SND1: variants seen among roughly 807,000 people sequenced by gnomAD.
SND1 encodes staphylococcal nuclease domain-containing protein 1.
In SND1, 38 loss-of-function variants were observed where a neutral mutation model predicts 121.7. The observed-to-expected ratio is 0.31, with a 90% CI of 0.24 to 0.41. The LOEUF (loss-of-function observed/expected upper bound fraction) is 0.41. Among genes scored for constraint, SND1 ranks in the 10% least tolerant of loss-of-function variants. The pLI is 1.00. For missense variants in SND1, 868 were observed against 1,184.6 expected (o/e 0.73, Z 3.92); for synonymous variants, 401 against 447.4 (o/e 0.90, Z 1.31).
At chr7:127,932,940 A>G (rs1408233065) in intron 15 of SND1, among the ~76,000 whole-genome samples, 1 of 152,222 alleles carries the variant, frequency 6.6e-6, no homozygotes, top group African/African-American at 2.4e-5. Context: ...AACTTGCAGT[A>G]TCTCTGAGGT....
chr7:127,919,976 A>G (rs1364203137), intron 14 of SND1, among the ~76,000 whole-genome samples: 1 of 152,176 alleles, frequency 6.6e-6, no homozygotes, highest in Admixed American at 6.5e-5. Flanking sequence ...CTTCTTACAA[A>G]TTGGTATTTC....
intron 16 of SND1, among the ~76,000 whole-genome samples, chr7:128,048,517 G>T (rs1792992232): frequency 6.6e-6 from 1 of 152,168 alleles, no homozygotes; most frequent in Non-Finnish European, 1.5e-5. Flanking sequence ...CTGTCTTTGA[G>T]TTAAGTGGTT....
intron 12 of SND1, among the ~76,000 whole-genome samples, chr7:127,883,498 C>G (rs188410494): frequency 4.6e-5 from 7 of 152,266 alleles, no homozygotes; most frequent in Admixed American, 4.6e-4. Context: ...TTGCACATAA[C>G]TGTACAAAGA....
Position 128,092,285 on chromosome 7 carries a change from GTC to G in SND1, c.*231_*232del. On this transcript the variant is annotated 3_prime_UTR_variant, in exon 24 of 24. Transcript: ENST00000354725. This position sits in a 1 kb window ranked among gnomAD's most constrained non-coding sequence, Gnocchi z 4.9. ...GGGATGATGGGCACTGCTATCCACA[GTC>G]TCTGCCAGTTGGTTTTATTTGGAGG... is the stretch of plus-strand genomic sequence containing the variant. 1 of 518,780 alleles carries G rather than the reference GTC, an allele frequency of 1.9e-6. No individual in the cohort carries two copies. The highest frequency in any genetic ancestry group is 3.4e-6 in the Non-Finnish European group (1 of 292,760). The allele number at this position is 518,780 out of a possible 1,614,324, so 32.1% of individuals were successfully genotyped here. A position where few individuals can be genotyped will look rare whatever the true frequency, so the allele number is the denominator to read the frequency against.
At chr7:127,926,555 T>C (rs931460835) in intron 14 of SND1, among the ~76,000 whole-genome samples, 8 of 137,706 alleles carry the variant, frequency 5.8e-5, no homozygotes, top group African/African-American at 1.4e-4. Flanking sequence ...TTTTCTTTTT[T>C]TTTTTTTTTT....
At chr7:127,760,971 CT>C (rs1431684026) in intron 10 of SND1, among the ~76,000 whole-genome samples, 2 of 152,154 alleles carry the variant, frequency 1.3e-5, no homozygotes, top group Non-Finnish European at 2.9e-5. Context: ...ATATCATAAT[CT>C]TTAGAGAACA....
At chr7:127,919,745 A>G (rs1800659081) in intron 14 of SND1, among the ~76,000 whole-genome samples, 1 of 152,200 alleles carries the variant, frequency 6.6e-6, no homozygotes, top group Non-Finnish European at 1.5e-5. Context: ...ATTCTTAGAA[A>G]AGTAACTCTA....
intron 10 of SND1, among the ~76,000 whole-genome samples, chr7:127,730,175 T>G (rs145712929): frequency 0.028 from 4,289 of 152,128 alleles, 183 homozygotes; most frequent in Admixed American, 0.11. Context: ...TCCATGTTGG[T>G]TAGGCTGGTC....
chr7:127,704,703 C>T (rs1283646210), intron 7 of SND1, 136 bp from the exon 8 acceptor site: 1 of 717,054 alleles, frequency 1.4e-6, no homozygotes, highest in Non-Finnish European at 2.4e-6. Context: ...AGAGAAGCTA[C>T]TCTACTGTAA....
intron 1 of SND1, among the ~76,000 whole-genome samples, chr7:127,669,500 A>C (rs1237929142): frequency 6.6e-6 from 1 of 152,140 alleles, no homozygotes; most frequent in Non-Finnish European, 1.5e-5. Context: ...TTGTCTTCCC[A>C]CTTTCCTCAG....
chr7:127,978,704 A>C (rs1802187065), intron 15 of SND1, among the ~76,000 whole-genome samples: 1 of 152,020 alleles, frequency 6.6e-6, no homozygotes, highest in Non-Finnish European at 1.5e-5. Context: ...TATTATTTTT[A>C]TTTATTATAA....
intron 11 of SND1, among the ~76,000 whole-genome samples, chr7:127,829,002 C>T (rs954547727): frequency 6.6e-6 from 1 of 152,178 alleles, no homozygotes; most frequent in South Asian, 2.1e-4. Context: ...ATCTGAAGAG[C>T]ATCACACAGG....
At chr7:127,858,453 C>A in intron 12 of SND1, 1 of 694,042 alleles carries the variant, frequency 1.4e-6, no homozygotes. Flanking sequence ...TCCTCCTCTT[C>A]CAAGTCTGAG....
At chr7:128,073,871 G>A (rs978184004) in intron 16 of SND1, among the ~76,000 whole-genome samples, 1 of 152,148 alleles carries the variant, frequency 6.6e-6, no homozygotes, top group African/African-American at 2.4e-5. Flanking sequence ...CTTGAGGCCC[G>A]TGGAGATTCC....
chr7:127,782,700 A>G (rs1797744351), intron 10 of SND1, among the ~76,000 whole-genome samples: 1 of 152,190 alleles, frequency 6.6e-6, no homozygotes, highest in Non-Finnish European at 1.5e-5. Context: ...CTCCCTCTGC[A>G]AAGCAGGGCT....
rs117186735 is a variant in SND1 at position 127,743,600 on chromosome 7, A to G, written c.1152+22200A>G. 5.9e-5 allele frequency among the ~76,000 whole-genome samples: 9 copies of G among 152,262 alleles called. No homozygotes were observed. The East Asian group carries it at 1.7e-3, about 29-fold the overall frequency. On this transcript the variant is annotated intron_variant, in intron 10 of 23. Transcript: ENST00000354725. ...AAAGTTGTTTTTGAAAAAGCATTGA[A>G]GCTGTGTTTTAAAGTGATTGGATTC... is the stretch of plus-strand genomic sequence containing the variant.
At chr7:127,835,607 A>C (rs1018576437) in intron 11 of SND1, among the ~76,000 whole-genome samples, 1 of 152,148 alleles carries the variant, frequency 6.6e-6, no homozygotes, top group Non-Finnish European at 1.5e-5. Flanking sequence ...TTGTATTAAA[A>C]GTAGGTATTG....
chr7:128,034,589 C>T (rs572811967), intron 16 of SND1, among the ~76,000 whole-genome samples: 3 of 152,344 alleles, frequency 2.0e-5, no homozygotes, highest in African/African-American at 7.2e-5. Flanking sequence ...AAAGCTGCTG[C>T]CCCGCACTAT....
At chr7:127,902,120 C>T (rs981815257) in intron 13 of SND1, among the ~76,000 whole-genome samples, 2 of 152,198 alleles carry the variant, frequency 1.3e-5, no homozygotes, top group Admixed American at 1.3e-4. Context: ...CACCTCACTG[C>T]TTTTGCCTCG....
Sources: allele counts gnomAD v4.1 joint callset (sites outside exome capture counted in the v4.1 genomes callset), GRCh38; gene constraint gnomAD v4.1.1; non-coding constraint Gnocchi (gnomAD v3.1); transcripts MANE v1.5; gene names NCBI Gene and HGNC (gene_info 2026-07-23, HGNC 2026-07-21).